KRABD5: variants seen among roughly 807,000 people sequenced by gnomAD.
The protein encoded by KRABD5 is KRAB domain-containing protein 5.
chr16:31,722,757 G>A, the KRABD5 span: 1 of 1,576,938 alleles, frequency 6.3e-7, no homozygotes, highest in South Asian at 1.2e-5. Flanking sequence ...CTCTGGGTGA[G>A]GATAACTTGC....
At chr16:31,750,934 AT>A in the KRABD5 span, among the ~76,000 whole-genome samples, 1 of 151,938 alleles carries the variant, frequency 6.6e-6, no homozygotes, top group Admixed American at 6.6e-5. Context: ...TAATTTTTGT[AT>A]TTTTAGTAGA....
At chr16:31,759,009 G>A in the KRABD5 span, 2 of 209,928 alleles carry the variant, frequency 9.5e-6, no homozygotes, top group Admixed American at 5.3e-5. Context: ...AGACAGTATA[G>A]TATTAACTCT....
At chr16:31,730,350 C>T in the KRABD5 span, among the ~76,000 whole-genome samples, 1 of 151,922 alleles carries the variant, frequency 6.6e-6, no homozygotes, top group Non-Finnish European at 1.5e-5. Flanking sequence ...AATTTTCCTT[C>T]TTTCAGCACT....
the KRABD5 span, among the ~76,000 whole-genome samples, chr16:31,717,924 G>T: frequency 6.6e-6 from 1 of 152,120 alleles, no homozygotes; most frequent in Non-Finnish European, 1.5e-5. Flanking sequence ...GAAGAGTTTG[G>T]CCAGATTTCT....
the KRABD5 span, among the ~76,000 whole-genome samples, chr16:31,738,309 A>G: frequency 3.9e-5 from 6 of 152,196 alleles, no homozygotes; most frequent in Middle Eastern, 3.4e-3. Context: ...TCCTACTACT[A>G]TTGTACTGCT....
the KRABD5 span, among the ~76,000 whole-genome samples, chr16:31,736,959 T>G: frequency 6.6e-6 from 1 of 152,254 alleles, no homozygotes; most frequent in African/African-American, 2.4e-5. Context: ...CTGGGTATGT[T>G]AATTTTTTAT....
At chr16:31,716,216 G>T in the KRABD5 span, among the ~76,000 whole-genome samples, 3 of 152,220 alleles carry the variant, frequency 2.0e-5, no homozygotes, top group East Asian at 3.9e-4. Context: ...ATCAACCTAG[G>T]CTTGTGGACC....
At chr16:31,740,086 C>G in the KRABD5 span, among the ~76,000 whole-genome samples, 2 of 152,272 alleles carry the variant, frequency 1.3e-5, no homozygotes, top group East Asian at 3.9e-4. Context: ...GTGGGTAAAT[C>G]TCTGTTCGGG....
At chr16:31,744,704 G>T in the KRABD5 span, among the ~76,000 whole-genome samples, 9 of 152,300 alleles carry the variant, frequency 5.9e-5, no homozygotes, top group African/African-American at 2.2e-4. Context: ...AATGTTACCA[G>T]CTCCTCATTG....
the KRABD5 span, among the ~76,000 whole-genome samples, chr16:31,737,845 T>C: frequency 1.3e-5 from 2 of 152,192 alleles, no homozygotes; most frequent in African/African-American, 4.8e-5. Context: ...TTAGACTATG[T>C]TAATACTTGT....
At chr16:31,755,074 T>G in the KRABD5 span, 2 of 480,784 alleles carry the variant, frequency 4.2e-6, no homozygotes, top group Non-Finnish European at 8.5e-6. Context: ...GTAAATCATT[T>G]AAAGTGTCTT....
At chr16:31,736,517 C>CTTT in the KRABD5 span, among the ~76,000 whole-genome samples, 11 of 128,492 alleles carry the variant, frequency 8.6e-5, no homozygotes, top group South Asian at 5.1e-4. Context: ...TAATAATATT[C>CTTT]TTTTTTTTTT....
chr16:31,743,686 G>A, the KRABD5 span, among the ~76,000 whole-genome samples: 1 of 152,134 alleles, frequency 6.6e-6, no homozygotes, highest in South Asian at 2.1e-4. Context: ...GATGGGAATA[G>A]TATTTAATCT....
At chr16:31,713,507 G>GGTTA in the KRABD5 span, 1 of 1,553,750 alleles carries the variant, frequency 6.4e-7, no homozygotes, top group Non-Finnish European at 8.7e-7. Context: ...CCCTCTTTGA[G>GGTTA]GTTAGCTTCG....
At chr16:31,714,461 A>C in the KRABD5 span, 1 of 455,114 alleles carries the variant, frequency 2.2e-6, no homozygotes, top group Admixed American at 2.4e-5. Context: ...GTGCCAGGAG[A>C]GTGGAGGAAG....
At chr16:31,743,435 T>C in the KRABD5 span, among the ~76,000 whole-genome samples, 1 of 152,170 alleles carries the variant, frequency 6.6e-6, no homozygotes, top group South Asian at 2.1e-4. Flanking sequence ...TGGTTGTAGA[T>C]GTATGGTGTT....
At chr16:31,748,579 T>G in the KRABD5 span, among the ~76,000 whole-genome samples, 1 of 152,220 alleles carries the variant, frequency 6.6e-6, no homozygotes, top group Non-Finnish European at 1.5e-5. Flanking sequence ...ACCCATCTTG[T>G]GAGGCCTACT....
At chr16:31,748,982 C>T in the KRABD5 span, among the ~76,000 whole-genome samples, 1 of 152,160 alleles carries the variant, frequency 6.6e-6, no homozygotes, top group African/African-American at 2.4e-5. Flanking sequence ...CACTTTGTCC[C>T]TTGGTGGAGG....
chr16:31,755,755 T>C, the KRABD5 span: 6 of 355,602 alleles, frequency 1.7e-5, no homozygotes, highest in South Asian at 1.3e-4. Flanking sequence ...ATCCAAAATT[T>C]AGAACTTAAA....
Sources: allele counts gnomAD v4.1 joint callset (sites outside exome capture counted in the v4.1 genomes callset), GRCh38; gene constraint gnomAD v4.1.1; transcripts MANE v1.5; gene names NCBI Gene and HGNC (gene_info 2026-07-23, HGNC 2026-07-21).